Variants in IL36B observed in about 807,000 individuals in gnomAD.
The protein encoded by IL36B is interleukin 36 beta.
Under a neutral mutation model 19.3 loss-of-function variants are expected in IL36B, and 23 were observed. That is an observed-to-expected ratio of 1.19 (90% CI 0.86 to 1.69). The LOEUF is 1.69. Ranked by LOEUF, IL36B falls within the 40% of genes most tolerant of loss-of-function variation. IL36B has a pLI of 0.00. For missense variants in IL36B, 217 were observed against 200.5 expected, an observed-to-expected ratio of 1.08 and a Z score of -0.50; for synonymous variants, 59 against 59.7, an observed-to-expected ratio of 0.99 and a Z score of 0.05.
chr2:113,028,809 C>T, intron 4 of IL36B, 130 bp downstream of exon 4: 1 of 884,490 alleles, frequency 1.1e-6, no homozygotes, highest in Non-Finnish European at 1.7e-6. Context: ...AGGGATCAGC[C>T]AGGTCAGAAT....
At chr2:113,036,823 G>A (rs370659544) in intron 1 of IL36B, among the ~76,000 whole-genome samples, 51 of 152,330 alleles carry the variant, frequency 3.3e-4, no homozygotes, top group African/African-American at 1.2e-3. Flanking sequence ...GCCCAGCCTT[G>A]GTGATTCAGC....
chr2:113,039,244 C>CA (rs900540384), intron 1 of IL36B, among the ~76,000 whole-genome samples: 28 of 152,224 alleles, frequency 1.8e-4, no homozygotes, highest in African/African-American at 6.3e-4. Flanking sequence ...CTTGACCCCT[C>CA]ACTAAGACAA....
Position 113,029,018 on chromosome 2 carries a change from A to G in IL36B, c.182T>C (p.Met61Thr). The G allele has an allele frequency of 3.7e-6, 6 of 1,613,936 alleles. No homozygotes were observed. Among genetic ancestry groups the G allele is most frequent in the Non-Finnish European group, 5.1e-6 (6 of 1,179,794 alleles). ...TTTTCCCTTGATTCCCAGGTAAACC[A>G]TATTACCCTTTTCCTTGTCACTGAA... The change falls in exon 4 of 6, where the codon ATG becomes ACG. Residue 61 changes from methionine (M) to threonine (T), a missense_variant. Coordinates refer to ENST00000259213, the MANE Select transcript of IL36B (RefSeq NM_014438.5).
chr2:113,032,410 A>G (rs905336293), intron 1 of IL36B, among the ~76,000 whole-genome samples: 7 of 152,110 alleles, frequency 4.6e-5, no homozygotes, highest in African/African-American at 1.7e-4. Flanking sequence ...AGTCCCCAAG[A>G]ATATCACAGA....
intron 1 of IL36B, among the ~76,000 whole-genome samples, chr2:113,043,205 T>A (rs761383488): frequency 6.6e-6 from 1 of 152,166 alleles, no homozygotes; most frequent in Admixed American, 6.5e-5. Context: ...GATATATACA[T>A]TACAAGTATT....
intron 1 of IL36B, among the ~76,000 whole-genome samples, chr2:113,052,243 C>T (rs552133032): frequency 1.3e-5 from 2 of 152,182 alleles, no homozygotes; most frequent in Non-Finnish European, 1.5e-5. Context: ...AGCCACTGCA[C>T]CTGGCTGGTT....
At chr2:113,030,589 T>C (rs1685053004) in intron 3 of IL36B, among the ~76,000 whole-genome samples, 2 of 152,202 alleles carry the variant, frequency 1.3e-5, no homozygotes, top group South Asian at 4.1e-4. Flanking sequence ...AAGTTCTGGA[T>C]ACAGGGAAAG....
chr2:113,048,278 T>C (rs1400919539), intron 1 of IL36B, among the ~76,000 whole-genome samples: 1 of 151,982 alleles, frequency 6.6e-6, no homozygotes, highest in Non-Finnish European at 1.5e-5. Context: ...TATTAAATTG[T>C]AAAAAATACA....
At chr2:113,029,264 C>T (rs1228609207) in intron 3 of IL36B, among the ~76,000 whole-genome samples, 186 bp from the exon 4 acceptor site, 1 of 152,178 alleles carries the variant, frequency 6.6e-6, no homozygotes, top group Non-Finnish European at 1.5e-5. Context: ...GTCACCAGGA[C>T]ATGTTGCTTC....
Position 113,027,447 on chromosome 2 carries a change from A to T in IL36B, c.262-1215T>A, listed in dbSNP as rs928373973. 3.9e-6 allele frequency: 4 copies of T among 1,013,444 alleles called. No homozygotes were observed. The African/African-American group carries it at 6.9e-5, about 18-fold the overall frequency. The allele number at this position is 1,013,444 out of a possible 1,614,324, so 62.8% of individuals were successfully genotyped here. On this transcript the variant is annotated intron_variant, in intron 4 of 5. Transcript: ENST00000259213. Reference sequence around the variant, plus strand: ...TTAAGAATTCATTAGGATTAGAAAGACATGCAAACCTTTAATTTCACATTC... The same window carrying T: ...TTAAGAATTCATTAGGATTAGAAAGTCATGCAAACCTTTAATTTCACATTC...
At chr2:113,025,754 G>A (rs555460511) in intron 5 of IL36B, among the ~76,000 whole-genome samples, 2 of 152,294 alleles carry the variant, frequency 1.3e-5, no homozygotes, top group East Asian at 3.9e-4. Flanking sequence ...GTGTGCAAAG[G>A]CATGAGCAGG....
intron 5 of IL36B, among the ~76,000 whole-genome samples, chr2:113,023,359 T>C (rs1426564372): frequency 6.6e-6 from 1 of 152,226 alleles, no homozygotes; most frequent in Non-Finnish European, 1.5e-5. Flanking sequence ...CATGGTGAGT[T>C]TGGAGAAGAC....
intron 5 of IL36B, chr2:113,025,973 T>C (rs1684950895): frequency 1.4e-6 from 2 of 1,400,512 alleles, no homozygotes; most frequent in East Asian, 2.5e-5. Context: ...ATTCAGGATG[T>C]ATTCTTGAAC....
intron 1 of IL36B, among the ~76,000 whole-genome samples, chr2:113,038,034 G>C (rs900820263): frequency 6.6e-6 from 1 of 152,184 alleles, no homozygotes; most frequent in African/African-American, 2.4e-5. Flanking sequence ...GCTGACATTT[G>C]AAGTCTGGTA....
In IL36B at chr2:113,032,826, T is replaced by C. The variant is rs377461780; in HGVS notation, c.-57-1060A>G. Among the ~76,000 whole-genome samples the C allele has an allele frequency of 1.6e-4, 25 of 152,328 alleles. No individual in the cohort carries two copies. In the East Asian group the frequency reaches 2.9e-3, roughly 18 times the overall value. On this transcript the variant is annotated intron_variant, in intron 1 of 5. Transcript: ENST00000259213. ...GTTCATTTTGGAAAGAAAGCTGATA[T>C]GGCCCAAAGATCTCTTGAGGCTCTG...
intron 1 of IL36B, among the ~76,000 whole-genome samples, chr2:113,051,277 C>T (rs527841030): frequency 1.3e-5 from 2 of 152,356 alleles, no homozygotes; most frequent in Admixed American, 6.5e-5. Context: ...GAGGCGAGTC[C>T]GCAGGCTCTG....
intron 1 of IL36B, among the ~76,000 whole-genome samples, chr2:113,032,262 T>C (rs1685090562): frequency 6.6e-6 from 1 of 152,014 alleles, no homozygotes; most frequent in Non-Finnish European, 1.5e-5. Flanking sequence ...CTAACCTGCC[T>C]CACTGAGCCC....
chr2:113,023,995 G>A (rs934657648), intron 5 of IL36B, among the ~76,000 whole-genome samples: 2 of 152,238 alleles, frequency 1.3e-5, no homozygotes, highest in African/African-American at 4.8e-5. Flanking sequence ...GGAAACTGAA[G>A]TGGAGGGAAG....
chr2:113,046,877 C>T (rs1377508987), intron 1 of IL36B, among the ~76,000 whole-genome samples: 2 of 152,186 alleles, frequency 1.3e-5, no homozygotes, highest in East Asian at 1.9e-4. Context: ...CATTTCCATA[C>T]TATATTCATT....
Sources: allele counts gnomAD v4.1 joint callset (sites outside exome capture counted in the v4.1 genomes callset), GRCh38; gene constraint gnomAD v4.1.1; transcripts MANE v1.5; gene names NCBI Gene and HGNC (gene_info 2026-07-23, HGNC 2026-07-21).